Variants in EBF4 observed in about 807,000 individuals in gnomAD.
The protein encoded by EBF4 is EBF transcription factor 4, also known as transcription factor COE4.
In EBF4, 34 loss-of-function variants were observed where a neutral mutation model predicts 67.1. That is an observed-to-expected ratio of 0.51 (90% confidence interval 0.39 to 0.67). The LOEUF (loss-of-function observed/expected upper bound fraction) is 0.67. EBF4 is among the 30% of genes least tolerant of loss of function. EBF4 has a pLI of 0.00. For missense variants in EBF4, 837 were observed against 873.3 expected (o/e 0.96, Z 0.52); for synonymous variants, 387 against 377.7 (o/e 1.02, Z -0.29).
At chr20:2,737,031 C>G (rs1313004064) in intron 6 of EBF4, among the ~76,000 whole-genome samples, 1 of 151,932 alleles carries the variant, frequency 6.6e-6, no homozygotes, top group Non-Finnish European at 1.5e-5. Context: ...GGGCAGATCA[C>G]AAGGTCAGGA....
chr20:2,706,281 G>A lies in EBF4; in HGVS notation c.414+17G>A, dbSNP rs1258552485. 1.9e-6 allele frequency: 3 copies of A among 1,551,554 alleles called. No homozygotes were observed. The highest frequency in any genetic ancestry group is 2.6e-6 in the Non-Finnish European group (3 of 1,146,988). ...TCCAAACAGGTGAGTCAGCGCAGAG[G>A]GTGCTGAGGCCCATCTCACTCTCTT... On this transcript the variant is annotated intron_variant, in intron 4 of 16. Coordinates refer to ENST00000609451, the Ensembl canonical transcript of EBF4.
chr20:2,729,582 C>G (rs1600225011), intron 6 of EBF4, among the ~76,000 whole-genome samples: 2 of 152,242 alleles, frequency 1.3e-5, no homozygotes, highest in Non-Finnish European at 2.9e-5. Context: ...GGGGGAGCTA[C>G]AGCATCTTGA....
chr20:2,748,780 G>A (rs2088092931), intron 7 of EBF4, 150 bp downstream of exon 7: 3 of 875,444 alleles, frequency 3.4e-6, no homozygotes, highest in Non-Finnish European at 1.7e-6. Flanking sequence ...AGCCTGGTTG[G>A]TGCCTGCTGG....
intron 6 of EBF4, among the ~76,000 whole-genome samples, chr20:2,736,605 C>A (rs1310944800): frequency 6.6e-6 from 1 of 152,190 alleles, no homozygotes; most frequent in African/African-American, 2.4e-5. Flanking sequence ...TTCTGGCAAT[C>A]CCCCTTGAGG....
At chr20:2,736,831 A>AAGGTCTCCAG (rs908404164) in intron 6 of EBF4, among the ~76,000 whole-genome samples, 1 of 151,950 alleles carries the variant, frequency 6.6e-6, no homozygotes, top group African/African-American at 2.4e-5. Context: ...CATAAGGACA[A>AAGGTCTCCAG]AGGACCCCTA....
chr20:2,759,405 TCACCCCATGC>T, downstream of EBF4: 1 of 239,500 alleles, frequency 4.2e-6, no homozygotes. Context: ...GGAGAGGCCT[TCACCCCATGC>T]TCAAGCCTCC....
intron 6 of EBF4, among the ~76,000 whole-genome samples, chr20:2,726,528 C>T (rs2087748351): frequency 6.6e-6 from 1 of 151,170 alleles, no homozygotes; most frequent in South Asian, 2.1e-4. Context: ...TTACCGTGAG[C>T]TATGATTGTA....
intron 1 of EBF4, among the ~76,000 whole-genome samples, chr20:2,703,757 A>G (rs552358547): frequency 6.6e-6 from 1 of 152,330 alleles, no homozygotes; most frequent in East Asian, 1.9e-4. Context: ...GCAACTTAAA[A>G]CAACAAACAT....
Position 2,758,797 on chromosome 20 carries a change from C to A in EBF4, c.1739-112C>A, listed in dbSNP as rs1477830600. 3 of 930,052 alleles carry A rather than the reference C, an allele frequency of 3.2e-6. No individual in the cohort carries two copies. In the East Asian group the frequency reaches 7.9e-5, roughly 24 times the overall value. The allele number at this position is 930,052 out of a possible 1,614,324, so 57.6% of individuals were successfully genotyped here. On this transcript the variant is annotated intron_variant, in intron 15 of 16. Transcript: ENST00000609451. The stretch of plus-strand genomic sequence containing the variant: ...GGCCAGGGCTAGGGATGGCTGACTG[C>A]CTTCAGAAAGTGCTATATCCCCTGC...
rs561773924 is a variant in EBF4, at chr20:2,726,481, C to G, written c.557+16839C>G. Among the ~76,000 whole-genome samples, 54 of 151,864 alleles carry G rather than the reference C, an allele frequency of 3.6e-4. No homozygotes were observed. The South Asian group carries it at 4.2e-3, about 12-fold the overall frequency. On this transcript the variant is annotated intron_variant, in intron 6 of 16. Transcript: ENST00000609451. ...CCTGTAGCCTCAGCTTCTCAAGAGG[C>G]TGAGTTGGAGGATCACTCGAACCCA...
At position 2,755,510 on chromosome 20, in the gene EBF4, C is replaced by G. The variant is rs76046761; in HGVS notation, c.1541-117C>G. 2 of 646,332 alleles carry G rather than the reference C, an allele frequency of 3.1e-6. No homozygotes were observed. Among genetic ancestry groups the G allele is most frequent in the East Asian group, 2.7e-5 (1 of 36,728 alleles). The allele number at this position is 646,332 out of a possible 1,614,324, so 40.0% of individuals were successfully genotyped here. The stretch of plus-strand genomic sequence containing the variant: ...CTCCCAGTGAGATCTGAGCCTGGTA[C>G]CTGTGTCAGCAGCCCATGTGGGGCC... On this transcript the variant is annotated intron_variant, in intron 14 of 16. Transcript: ENST00000609451. This position sits in a 1 kb window ranked among gnomAD's most constrained non-coding sequence, Gnocchi z 4.7.
chr20:2,718,940 C>T (rs193265053), intron 6 of EBF4, among the ~76,000 whole-genome samples: 10 of 152,254 alleles, frequency 6.6e-5, no homozygotes, highest in East Asian at 5.8e-4. Flanking sequence ...GTACTGCTTT[C>T]GGAGCATACC....
upstream of EBF4, chr20:2,693,476 C>G (rs1600191180): frequency 9.1e-6 from 7 of 766,934 alleles, no homozygotes; most frequent in Non-Finnish European, 7.1e-6. This position sits in a 1 kb window ranked among gnomAD's most constrained non-coding sequence, Gnocchi z 4.6. Context: ...GCCCGCGGAC[C>G]CGCTTTCTCC....
intron 6 of EBF4, among the ~76,000 whole-genome samples, chr20:2,744,477 T>C (rs1365559381): frequency 7.7e-6 from 1 of 130,288 alleles, no homozygotes. Context: ...CTTTTCTTTT[T>C]TCTTTTTTTC....
chr20:2,706,521 C>T (rs1275693322), intron 4 of EBF4, among the ~76,000 whole-genome samples: 2 of 152,140 alleles, frequency 1.3e-5, no homozygotes, highest in Non-Finnish European at 2.9e-5. Flanking sequence ...TAGATGGGAA[C>T]TCAGGTGCAG....
At chr20:2,704,914 G>A (rs6132959) in intron 1 of EBF4, among the ~76,000 whole-genome samples, 39,452 of 152,062 alleles carry the variant, frequency 0.26, 5,187 homozygotes, top group East Asian at 0.36. Flanking sequence ...TGAGCCAGGA[G>A]AGATCCCTTA....
upstream of EBF4, chr20:2,693,523 C>T: frequency 8.3e-7 from 1 of 1,211,764 alleles, no homozygotes; most frequent in Non-Finnish European, 1.0e-6. The surrounding 1 kb of genome is among the most constrained non-coding windows in gnomAD (Gnocchi z 4.6). Flanking sequence ...CACTGAGCCA[C>T]CCGGACTCGG....
chr20:2,728,257 C>T (rs6084142), intron 6 of EBF4, among the ~76,000 whole-genome samples: 15,758 of 152,164 alleles, frequency 0.1, 898 homozygotes, highest in Admixed American at 0.14. Context: ...TGGACTATTC[C>T]TTCATCTTTT....
At chr20:2,752,383 T>C in exon 14 of EBF4, 5 of 1,244,724 alleles carry the variant, frequency 4.0e-6, no homozygotes, top group Admixed American at 4.0e-5. Flanking sequence ...CAGCAGCGCG[T>C]CCCCCCGCGG....
Sources: allele counts gnomAD v4.1 joint callset (sites outside exome capture counted in the v4.1 genomes callset), GRCh38; gene constraint gnomAD v4.1.1; non-coding constraint Gnocchi (gnomAD v3.1); transcripts MANE v1.5; gene names NCBI Gene and HGNC (gene_info 2026-07-23, HGNC 2026-07-21).